KIF26B: variants seen among roughly 807,000 people sequenced by gnomAD.
KIF26B encodes the protein kinesin family member 26B, also known as kinesin-like protein KIF26B.
Under a neutral mutation model 151.2 loss-of-function variants are expected in KIF26B, and 63 were observed. The ratio of observed to expected loss-of-function variants is 0.42; its 90% confidence interval spans 0.34 to 0.51. The LOEUF (loss-of-function observed/expected upper bound fraction) is 0.51. KIF26B is among the 20% of genes least tolerant of loss of function. The pLI is 0.07. For missense variants in KIF26B, 2,813 were observed against 2,913.6 expected (o/e 0.97, Z 0.79); for synonymous variants, 1,357 against 1,262.1 (o/e 1.08, Z -1.59).
At chr1:245,190,452 G>A (rs1353250589) in intron 2 of KIF26B, among the ~76,000 whole-genome samples, 1 of 152,010 alleles carries the variant, frequency 6.6e-6, no homozygotes, top group African/African-American at 2.4e-5. Flanking sequence ...CAGCCTCACA[G>A]GTGCCCATTA....
At chr1:245,334,302 T>C (rs1672179386) in intron 2 of KIF26B, among the ~76,000 whole-genome samples, 1 of 152,224 alleles carries the variant, frequency 6.6e-6, no homozygotes, top group East Asian at 1.9e-4. Flanking sequence ...TCATTCCTAA[T>C]GCGCAGGAAT....
chr1:245,370,874 G>C (rs1673102815), intron 3 of KIF26B, among the ~76,000 whole-genome samples: 1 of 152,218 alleles, frequency 6.6e-6, no homozygotes, highest in Non-Finnish European at 1.5e-5. Context: ...CCAAGTACCA[G>C]GCACTGTGCT....
Position 245,244,756 on chromosome 1 carries a change from T to TCACACACACA in KIF26B, c.465+88100_465+88109dup, listed in dbSNP as rs55638619. Among the ~76,000 whole-genome samples the TCACACACACA allele has an allele frequency of 0.08, 11,489 of 144,308 alleles. 538 individuals carry two copies. Among genetic ancestry groups the TCACACACACA allele is most frequent in the Non-Finnish European group, 0.099 (6,584 of 66,278 alleles). 94.7% of individuals were successfully genotyped at this position (144,308 alleles called of 152,430 possible). A position where few individuals can be genotyped will look rare whatever the true frequency, so the allele number is the denominator to read the frequency against. On this transcript the variant is annotated intron_variant, in intron 2 of 14. Transcript: ENST00000407071. The surrounding 1 kb of genome is among the most constrained non-coding windows in gnomAD (Gnocchi z 4.2). The stretch of plus-strand genomic sequence containing the variant: ...AGAAGGAACACACAGACACGCACAC[T>TCACACACACA]CACACACACACACACACACACACAC...
Position 245,688,495 on chromosome 1 carries a change from G to A in KIF26B, c.5512G>A (p.Glu1838Lys), listed in dbSNP as rs761841443. Residue 1838 changes from glutamate (E) to lysine (K), a missense_variant, in exon 12 of 15, where the codon GAG (glutamate) becomes AAG (lysine). Around this residue, in one of 3 missense-constraint regions of KIF26B, gnomAD observed 2,060 missense variants for 2,088.6 expected, o/e 0.99. Coordinates refer to ENST00000407071, the MANE Select transcript of KIF26B (RefSeq NM_018012.4). ...GGAGGCGCGCGGGGGGGCCCTGGCCGAGGACGAGCCCGCGGCCGCGCACCT... is the reference window on the plus strand; with the variant it reads ...GGAGGCGCGCGGGGGGGCCCTGGCCAAGGACGAGCCCGCGGCCGCGCACCT... The part of the protein sequence containing the change: ...EAEARGGALA[E>K]DEPAAAHLLP... The A allele has an allele frequency of 1.0e-5, 15 of 1,465,418 alleles. 1 individual carries two copies. Among genetic ancestry groups the A allele is most frequent in the South Asian group, 5.4e-5 (4 of 73,904 alleles). The allele number at this position is 1,465,418 out of a possible 1,614,324, so 90.8% of individuals were successfully genotyped here. A position where few individuals can be genotyped will look rare whatever the true frequency, so the allele number is the denominator to read the frequency against.
At chr1:245,302,804 C>T (rs192075271) in intron 2 of KIF26B, among the ~76,000 whole-genome samples, 154 of 152,076 alleles carry the variant, frequency 1.0e-3, no homozygotes, top group African/African-American at 3.6e-3. Context: ...GCCTGCCCAA[C>T]ATGGTGAAAC....
At chr1:245,232,413 A>G (rs941095616) in intron 2 of KIF26B, among the ~76,000 whole-genome samples, 9 of 152,216 alleles carry the variant, frequency 5.9e-5, no homozygotes, top group Admixed American at 4.6e-4. Flanking sequence ...CAAACATTAA[A>G]AATGTTTTAT....
chr1:245,612,017 T>G, intron 9 of KIF26B, 41 bp downstream of exon 9: 3 of 1,592,762 alleles, frequency 1.9e-6, no homozygotes, highest in Non-Finnish European at 2.6e-6. Context: ...TTAGCGGCTC[T>G]GGCCCCAGCC....
intron 2 of KIF26B, among the ~76,000 whole-genome samples, chr1:245,321,557 G>GC (rs1671887135): frequency 6.6e-6 from 1 of 152,186 alleles, no homozygotes; most frequent in Non-Finnish European, 1.5e-5. Context: ...TTCTAGTGTA[G>GC]CCTAGCCATG....
At chr1:245,296,663 T>A (rs997111331) in intron 2 of KIF26B, among the ~76,000 whole-genome samples, 2 of 152,226 alleles carry the variant, frequency 1.3e-5, no homozygotes, top group African/African-American at 4.8e-5. Context: ...CGGCCTCACT[T>A]TTCCCTGCCC....
At chr1:245,544,149 A>G (rs1191581609) in intron 5 of KIF26B, among the ~76,000 whole-genome samples, 1 of 152,220 alleles carries the variant, frequency 6.6e-6, no homozygotes, top group African/African-American at 2.4e-5. Flanking sequence ...CATTAGGAAC[A>G]GCAGTTCTTT....
At chr1:245,388,474 T>C (rs1673606901) in intron 3 of KIF26B, among the ~76,000 whole-genome samples, 1 of 152,240 alleles carries the variant, frequency 6.6e-6, no homozygotes, top group African/African-American at 2.4e-5. Context: ...CCTCTTTCTT[T>C]CTCATCTTGT....
rs369580486 is a variant in KIF26B at position 245,602,017 on chromosome 1, C to T, written c.1351-560C>T. Reference sequence around the variant, plus strand: ...CTTAATGGGATCCCAAATAACACGTCGCAGACCAGTCTTTTATCACTGTTG... The same window carrying T: ...CTTAATGGGATCCCAAATAACACGTTGCAGACCAGTCTTTTATCACTGTTG... On this transcript the variant is annotated intron_variant, in intron 5 of 14. Coordinates refer to ENST00000407071, the MANE Select transcript of KIF26B (RefSeq NM_018012.4). This position sits in a 1 kb window ranked among gnomAD's most constrained non-coding sequence, Gnocchi z 4.5. 2.0e-5 allele frequency among the ~76,000 whole-genome samples: 3 copies of T among 152,190 alleles called. No individual in the cohort carries two copies. Among genetic ancestry groups the T allele is most frequent in the Non-Finnish European group, 4.4e-5 (3 of 68,036 alleles).
At position 245,698,186 on chromosome 1, in the gene KIF26B, G is replaced by A. The variant is rs781292387; in HGVS notation, c.5905G>A (p.Val1969Ile). 2.5e-5 allele frequency: 40 copies of A among 1,613,918 alleles called. 1 individual carries two copies. The highest frequency in any genetic ancestry group is 2.0e-4 in the Admixed American group (12 of 60,016). ...PVRKPPNSTG[V>I]RWVDGPLRSS... ...GAGAAAACCCCCCAACAGCACAGGC[G>A]TCCGCTGGGTGGATGGCCCCTTGCG... is the stretch of plus-strand genomic sequence containing the variant. Residue 1969 changes from valine (V) to isoleucine (I), a missense_variant, in exon 13 of 15, where the codon GTC becomes ATC. This residue lies in a region of KIF26B where 2,060 missense variants were observed against 2,088.6 expected (regional missense o/e 0.99). Transcript: ENST00000407071. This position sits in a 1 kb window ranked among gnomAD's most constrained non-coding sequence, Gnocchi z 4.0.
In KIF26B at chr1:245,708,524, T is replaced by C. The variant is rs990190294; in HGVS notation, c.*5918T>C. 4.6e-5 allele frequency: 7 copies of C among 152,176 alleles called. No homozygotes were observed. The highest frequency in any genetic ancestry group is 1.3e-4 in the Admixed American group (2 of 15,274). 9.4% of individuals were successfully genotyped at this position (152,176 alleles called of 1,614,324 possible). On this transcript the variant is annotated 3_prime_UTR_variant, in exon 15 of 15. Transcript: ENST00000407071. ...AGGTACCTGACATGGTGAAAGGCCA[T>C]AGGACAGAAAACCTGAGTTCTAATT... is the stretch of plus-strand genomic sequence containing the variant.
At chr1:245,625,409 A>G (rs1249612552) in intron 9 of KIF26B, among the ~76,000 whole-genome samples, 2 of 152,198 alleles carry the variant, frequency 1.3e-5, no homozygotes, top group African/African-American at 4.8e-5. Context: ...CTGACCCAGG[A>G]GCACAGTATC....
At chr1:245,228,104 G>A (rs1413482023) in intron 2 of KIF26B, among the ~76,000 whole-genome samples, 2 of 152,162 alleles carry the variant, frequency 1.3e-5, no homozygotes, top group East Asian at 1.9e-4. Flanking sequence ...AGGGTCCCAC[G>A]CATGCCACTT....
chr1:245,398,028 GA>G (rs1451493946), intron 3 of KIF26B, among the ~76,000 whole-genome samples: 1 of 152,186 alleles, frequency 6.6e-6, no homozygotes, highest in Admixed American at 6.5e-5. Flanking sequence ...GTTGCCTTGT[GA>G]AGTAGGGAGC....
rs936196769 is a variant in KIF26B, at chr1:245,156,342, C to T, written c.124C>T (p.Arg42Trp). The T allele has an allele frequency of 2.6e-6, 4 of 1,547,268 alleles. No individual in the cohort carries two copies. The highest frequency in any genetic ancestry group is 3.5e-6 in the Non-Finnish European group (4 of 1,145,886). Residue 42 changes from arginine (R) to tryptophan (W), a missense_variant, in exon 2 of 15, where the codon CGG becomes TGG. By Grantham distance (101) the Arg-to-Trp change is moderately radical. This residue lies in a region of KIF26B where 676 missense variants were observed against 688.1 expected (regional missense o/e 0.98). Coordinates refer to ENST00000407071, the MANE Select transcript of KIF26B (RefSeq NM_018012.4). The part of the protein sequence containing the change: ...AAPFSPESWY[R>W]KAYEESRAGS... ...GCCCTTCTCCCCGGAAAGCTGGTACCGGAAAGCATACGAGGAGTCGCGCGC... is the reference window on the plus strand; with the variant it reads ...GCCCTTCTCCCCGGAAAGCTGGTACTGGAAAGCATACGAGGAGTCGCGCGC...
At position 245,405,765 on chromosome 1, in the gene KIF26B, A is replaced by T. The variant is rs549275323; in HGVS notation, c.1000-13814A>T. On this transcript the variant is annotated intron_variant, in intron 3 of 14. Transcript: ENST00000407071. ...CCACATGGAACTTGGCCTGGAATAG[A>T]TCTAAGGGCTTTTCCAGCTCCATTT... Among the ~76,000 whole-genome samples, 17 of 152,158 alleles carry T rather than the reference A, an allele frequency of 1.1e-4. No homozygotes were observed. In the South Asian group the frequency reaches 3.5e-3, roughly 32 times the overall value.
Sources: gnomAD v4.1 joint callset for allele counts (sites outside exome capture counted in the v4.1 genomes callset) on GRCh38, gnomAD v4.1.1 for gene constraint, gnomAD v4.1.1 regional missense constraint, Gnocchi (gnomAD v3.1) non-coding constraint, MANE v1.5 for transcripts, NCBI Gene and HGNC (gene_info 2026-07-23, HGNC 2026-07-21) for gene names.